The following CEP128 variants were observed in gnomAD, a reference collection of about 807,000 sequenced individuals.
CEP128 encodes centrosomal protein 128.
CEP128 carries 132 observed loss-of-function variants against 156.7 expected under a neutral mutation model. The observed-to-expected ratio is 0.84, with a 90% confidence interval of 0.73 to 0.97. The LOEUF (loss-of-function observed/expected upper bound fraction) is 0.97, where lower values mean the gene tolerates loss of function less well. Ranked by LOEUF, CEP128 falls within the 50% of genes least tolerant of loss-of-function variation. The pLI is 0.00. For missense variants in CEP128, 1,252 were observed against 1,281.9 expected, an observed-to-expected ratio of 0.98 and a Z score of 0.36; for synonymous variants, 469 against 448.9, an observed-to-expected ratio of 1.04 and a Z score of -0.57.
chr14:80,656,280 TATATATATA>T (rs1895143347), intron 19 of CEP128, among the ~76,000 whole-genome samples: 1 of 9,314 alleles, frequency 1.1e-4, no homozygotes, highest in African/African-American at 6.7e-4. Flanking sequence ...AGTTTTTATT[TATATATATA>T]TTTATATATA....
At chr14:80,502,836 CA>C in intron 24 of CEP128, among the ~76,000 whole-genome samples, 1 of 152,150 alleles carries the variant, frequency 6.6e-6, no homozygotes, top group South Asian at 2.1e-4. Flanking sequence ...AATTACAGGA[CA>C]ATTTCTGTAA....
chr14:80,945,133 TG>T (rs1349245464), upstream of CEP128, among the ~76,000 whole-genome samples: 1 of 152,206 alleles, frequency 6.6e-6, no homozygotes, highest in Admixed American at 6.5e-5. Flanking sequence ...GAGATCAATG[TG>T]TCAGCAAGTT....
intron 2 of CEP128, among the ~76,000 whole-genome samples, chr14:80,952,538 A>G (rs1886489237): frequency 6.6e-6 from 1 of 152,134 alleles, no homozygotes; most frequent in African/African-American, 2.4e-5. Context: ...CACACATACA[A>G]TATTATAAAA....
chr14:80,946,626 A>G (rs373177760), upstream of CEP128, among the ~76,000 whole-genome samples: 2 of 152,226 alleles, frequency 1.3e-5, no homozygotes, highest in African/African-American at 4.8e-5. Context: ...TGACATGACC[A>G]TCCTAACCCA....
chr14:80,876,628 T>C (rs1161257943), intron 8 of CEP128, among the ~76,000 whole-genome samples: 1 of 148,402 alleles, frequency 6.7e-6, no homozygotes, highest in African/African-American at 2.5e-5. Context: ...ATAAGACTAG[T>C]GTCTGATTTC....
At chr14:80,698,889 A>G (rs1896975958) in intron 19 of CEP128, among the ~76,000 whole-genome samples, 1 of 152,164 alleles carries the variant, frequency 6.6e-6, no homozygotes, top group African/African-American at 2.4e-5. Flanking sequence ...CTGAAATCCT[A>G]ATGTCATTTC....
At chr14:80,748,896 CT>C (rs1899243171) in intron 18 of CEP128, among the ~76,000 whole-genome samples, 1 of 152,162 alleles carries the variant, frequency 6.6e-6, no homozygotes, top group Non-Finnish European at 1.5e-5. Flanking sequence ...TACACTCACC[CT>C]AGGCCAGAAA....
intron 23 of CEP128, among the ~76,000 whole-genome samples, chr14:80,505,686 A>T (rs1486157805): frequency 6.6e-6 from 1 of 152,212 alleles, no homozygotes; most frequent in Admixed American, 6.5e-5. Context: ...GTCCTTCTCC[A>T]CTTCTTTCAG....
At chr14:80,573,237 A>G (rs1274002810) in intron 20 of CEP128, among the ~76,000 whole-genome samples, 4 of 152,050 alleles carry the variant, frequency 2.6e-5, no homozygotes, top group Admixed American at 6.6e-5. Context: ...TTTTACTACT[A>G]ACTTTTTAAA....
In CEP128 at chr14:80,678,990, C is replaced by T. The variant is rs138931889; in HGVS notation, c.2806+64085G>A. 2.1e-3 allele frequency among the ~76,000 whole-genome samples: 320 copies of T among 152,284 alleles called. 2 individuals are homozygous for T. Among genetic ancestry groups the T allele is most frequent in the African/African-American group, 7.4e-3 (306 of 41,558 alleles). On this transcript the variant is annotated intron_variant, in intron 19 of 24. Coordinates refer to ENST00000555265, the MANE Select transcript of CEP128 (RefSeq NM_152446.5). ...ACCTGTCTTTACTGCCATCTCTGAA[C>T]ATAAATTGTGAAGATTTCATTTTAA... is the stretch of plus-strand genomic sequence containing the variant.
intron 19 of CEP128, among the ~76,000 whole-genome samples, chr14:80,691,201 C>A (rs1896708808): frequency 6.6e-6 from 1 of 152,148 alleles, no homozygotes; most frequent in South Asian, 2.1e-4. Context: ...CTTTCCAATA[C>A]ATTACAAATA....
At chr14:80,695,958 A>C (rs1175960391) in intron 19 of CEP128, among the ~76,000 whole-genome samples, 2 of 152,138 alleles carry the variant, frequency 1.3e-5, no homozygotes, top group African/African-American at 4.8e-5. Context: ...AACTCAAACA[A>C]ACACTCTGGC....
At chr14:80,698,513 C>A (rs778584853) in intron 19 of CEP128, among the ~76,000 whole-genome samples, 1 of 152,134 alleles carries the variant, frequency 6.6e-6, no homozygotes, top group Non-Finnish European at 1.5e-5. Context: ...AAGAAGTTAA[C>A]TTACCCTATA....
intron 18 of CEP128, among the ~76,000 whole-genome samples, chr14:80,749,841 T>G (rs1404460158): frequency 6.6e-6 from 1 of 152,236 alleles, no homozygotes; most frequent in African/African-American, 2.4e-5. Context: ...GATGTGATCA[T>G]TATACATTGC....
chr14:80,701,901 T>A (rs910935696), intron 19 of CEP128, among the ~76,000 whole-genome samples: 2 of 152,170 alleles, frequency 1.3e-5, no homozygotes, highest in Admixed American at 1.3e-4. Flanking sequence ...GCATGGGTGC[T>A]TCTCTCTGGA....
chr14:80,689,332 C>A (rs1223902265), intron 19 of CEP128, among the ~76,000 whole-genome samples: 3 of 148,426 alleles, frequency 2.0e-5, no homozygotes, highest in Admixed American at 2.0e-4. Context: ...GCATCTTTAT[C>A]CTCAAGGAGC....
chr14:80,785,313 T>C lies in CEP128; in HGVS notation c.1793A>G (p.Gln598Arg). The change falls in exon 15 of 25, where the codon CAG becomes CGG. Residue 598 changes from glutamine to arginine, a missense_variant. Physicochemically the swap from Gln to Arg is conservative, Grantham distance 43 (BLOSUM62 1). Transcript: ENST00000555265. ...TTTCATCTGGCTTTGGATCTTACTC[T>C]GCTTTTTCAATTCGCTCTCCAGTCT... Reference protein sequence around the residue: ...IHRLESELKKQSKIQSQMKVE... With the variant: ...IHRLESELKKRSKIQSQMKVE... 6.2e-7 allele frequency: 1 copy of C among 1,614,198 alleles called. No individual in the cohort carries two copies. The highest frequency in any genetic ancestry group is 8.5e-7 in the Non-Finnish European group (1 of 1,180,026).
chr14:80,613,285 G>A (rs1232968820), intron 19 of CEP128, among the ~76,000 whole-genome samples: 1 of 142,874 alleles, frequency 7.0e-6, no homozygotes, highest in Non-Finnish European at 1.5e-5. Context: ...CTCAAACAAT[G>A]GAGAGCATTT....
chr14:80,770,352 CTTTA>C (rs902043980), intron 16 of CEP128, among the ~76,000 whole-genome samples: 3 of 152,180 alleles, frequency 2.0e-5, no homozygotes, highest in Admixed American at 1.3e-4. Context: ...TTCTATGCAC[CTTTA>C]TTTTTTTCCC....
Sources: allele counts gnomAD v4.1 joint callset (sites outside exome capture counted in the v4.1 genomes callset), GRCh38; gene constraint gnomAD v4.1.1; transcripts MANE v1.5; gene names NCBI Gene and HGNC (gene_info 2026-07-23, HGNC 2026-07-21).